Variants in KIAA1217 observed in about 807,000 individuals in gnomAD.
KIAA1217 encodes KIAA1217.
A neutral mutation model predicts 163.9 loss-of-function variants in KIAA1217; 88 were observed. That is an observed-to-expected ratio of 0.54 (90% CI 0.45 to 0.64). KIAA1217 has a LOEUF of 0.64. Among genes scored for constraint, KIAA1217 ranks in the 30% least tolerant of loss-of-function variants. The probability of loss-of-function intolerance (pLI) is 0.00; values close to 1 mark genes in which losing one functional copy is unlikely to be tolerated. For synonymous variants in KIAA1217, 903 were observed against 923.1 expected (o/e 0.98, Z 0.39); for missense variants, 2,372 against 2,475.0 (o/e 0.96, Z 0.88).
In KIAA1217 at chr10:24,407,308, G is replaced by A. The variant is rs76692039; in HGVS notation, c.554-25687G>A. ...TGTGCGTGCGTGTGCGTGCGCGTGC[G>A]CATGTGATGAAGTCTCACTCTGTTG... On this transcript the variant is annotated intron_variant, in intron 3 of 20. Coordinates refer to ENST00000376454, the MANE Select transcript of KIAA1217 (RefSeq NM_019590.5). 2.8e-3 allele frequency among the ~76,000 whole-genome samples: 426 copies of A among 152,046 alleles called. 3 individuals carry two copies. The highest frequency in any genetic ancestry group is 9.5e-3 in the African/African-American group (393 of 41,474).
chr10:23,831,983 C>T (rs1481974707), intron 1 of KIAA1217, among the ~76,000 whole-genome samples: 1 of 152,138 alleles, frequency 6.6e-6, no homozygotes, highest in Non-Finnish European at 1.5e-5. Flanking sequence ...CAGATGTGTG[C>T]AGATTTTTCC....
chr10:24,077,174 G>C (rs768571034), intron 2 of KIAA1217, among the ~76,000 whole-genome samples: 3 of 152,096 alleles, frequency 2.0e-5, no homozygotes, highest in Admixed American at 6.6e-5. Context: ...ACTGTGCCTG[G>C]CCTATTTCCA....
intron 1 of KIAA1217, among the ~76,000 whole-genome samples, chr10:23,728,966 C>T (rs1341296781): frequency 2.0e-5 from 3 of 152,238 alleles, no homozygotes; most frequent in Non-Finnish European, 4.4e-5. Flanking sequence ...ACCCCTTCCC[C>T]CACTCCCAAC....
intron 2 of KIAA1217, among the ~76,000 whole-genome samples, chr10:24,295,607 A>G (rs537601679): frequency 6.6e-6 from 1 of 152,090 alleles, no homozygotes; most frequent in Admixed American, 6.6e-5. Flanking sequence ...AGTTGTTCTC[A>G]GGCCAATTTC....
At chr10:23,987,058 T>G (rs1319841304) in intron 1 of KIAA1217, among the ~76,000 whole-genome samples, 1 of 152,104 alleles carries the variant, frequency 6.6e-6, no homozygotes, top group African/African-American at 2.4e-5. Flanking sequence ...TCATCTGTTA[T>G]GCCAGATGTT....
intron 2 of KIAA1217, among the ~76,000 whole-genome samples, chr10:24,270,456 G>T (rs969764894): frequency 1.3e-5 from 2 of 152,188 alleles, no homozygotes; most frequent in Non-Finnish European, 2.9e-5. Flanking sequence ...TCACATGAAT[G>T]CATCCATCTT....
At chr10:24,191,843 T>A (rs866000016) in intron 2 of KIAA1217, among the ~76,000 whole-genome samples, 28 of 152,180 alleles carry the variant, frequency 1.8e-4, no homozygotes, top group African/African-American at 6.8e-4. Context: ...AACCTCCACC[T>A]CCCAGGTTCA....
chr10:24,518,534 G>A (rs951007196), intron 10 of KIAA1217, among the ~76,000 whole-genome samples: 19 of 152,158 alleles, frequency 1.2e-4, no homozygotes, highest in African/African-American at 4.1e-4. Context: ...TATTAATTAC[G>A]CACTGACAGA....
intron 2 of KIAA1217, among the ~76,000 whole-genome samples, chr10:24,017,212 C>G (rs1011432529): frequency 6.6e-6 from 1 of 151,828 alleles, no homozygotes; most frequent in Non-Finnish European, 1.5e-5. Flanking sequence ...GTCACCACAC[C>G]TGGCTAACTT....
chr10:24,088,517 T>A (rs571737429), intron 2 of KIAA1217, among the ~76,000 whole-genome samples: 1 of 108,632 alleles, frequency 9.2e-6, no homozygotes, highest in East Asian at 2.2e-4. Flanking sequence ...CATTGTTCAA[T>A]TCCCACCTAT....
chr10:23,762,496 A>G (rs988362942), intron 1 of KIAA1217, among the ~76,000 whole-genome samples: 1 of 152,338 alleles, frequency 6.6e-6, no homozygotes, highest in South Asian at 2.1e-4. Flanking sequence ...CATCACACAA[A>G]CAGAACCAAA....
intron 1 of KIAA1217, among the ~76,000 whole-genome samples, chr10:23,765,273 C>T (rs1031134926): frequency 3.5e-5 from 5 of 143,038 alleles, no homozygotes; most frequent in Admixed American, 3.0e-4. Context: ...CCGCTCACTG[C>T]AAGCTCCCGG....
chr10:24,074,899 A>G (rs1193334434), intron 2 of KIAA1217, among the ~76,000 whole-genome samples: 1 of 151,912 alleles, frequency 6.6e-6, no homozygotes, highest in Non-Finnish European at 1.5e-5. Context: ...GGGTTTTGCC[A>G]TGTTGTCCAG....
rs773452841 is a variant in KIAA1217, at chr10:24,473,777, C to A, written c.1396C>A (p.Leu466Met). The A allele has an allele frequency of 9.9e-6, 16 of 1,614,042 alleles. No homozygotes were observed. The East Asian group carries it at 1.6e-4, about 16-fold the overall frequency. ...ATATCCGGATAGCCATTTGCCTACACTGGGCTCCAAAACACCCCCTGCCTC... is the reference window on the plus strand; with the variant it reads ...ATATCCGGATAGCCATTTGCCTACAATGGGCTCCAAAACACCCCCTGCCTC... The part of the protein sequence containing the change: ...RKYPDSHLPT[L>M]GSKTPPASPH... Residue 466 changes from leucine (L) to methionine (M), a missense_variant, in exon 6 of 21, where the codon CTG (leucine) becomes ATG (methionine). By Grantham distance (15) the Leu-to-Met change is conservative. Coordinates refer to ENST00000376454, the MANE Select transcript of KIAA1217 (RefSeq NM_019590.5).
intron 1 of KIAA1217, among the ~76,000 whole-genome samples, chr10:23,818,060 CAT>C (rs753088348): frequency 0.025 from 2,075 of 83,878 alleles, 38 homozygotes; most frequent in Non-Finnish European, 0.033. Context: ...CATATATATA[CAT>C]ATATATATAC....
intron 2 of KIAA1217, among the ~76,000 whole-genome samples, chr10:24,278,952 G>A (rs999181264): frequency 6.6e-6 from 1 of 151,482 alleles, no homozygotes; most frequent in Non-Finnish European, 1.5e-5. Flanking sequence ...TGCCTCCCAG[G>A]CTCAAGCGAT....
At chr10:24,399,346 C>G (rs2056240230) in intron 3 of KIAA1217, among the ~76,000 whole-genome samples, 1 of 152,168 alleles carries the variant, frequency 6.6e-6, no homozygotes, top group Non-Finnish European at 1.5e-5. Flanking sequence ...TCACTTTTAA[C>G]TTATTCTTTT....
At chr10:24,140,696 A>T (rs939037440) in intron 2 of KIAA1217, among the ~76,000 whole-genome samples, 2 of 152,174 alleles carry the variant, frequency 1.3e-5, no homozygotes, top group African/African-American at 4.8e-5. Flanking sequence ...AATATTTTTG[A>T]ACTGAGGTTA....
chr10:24,090,947 A>T (rs2061916984), intron 2 of KIAA1217, among the ~76,000 whole-genome samples: 1 of 151,884 alleles, frequency 6.6e-6, no homozygotes. Flanking sequence ...CCATCGGCAA[A>T]ACTCTTCCCT....
Sources: gnomAD v4.1 joint callset for allele counts (sites outside exome capture counted in the v4.1 genomes callset) on GRCh38, gnomAD v4.1.1 for gene constraint, MANE v1.5 for transcripts, NCBI Gene and HGNC (gene_info 2026-07-23, HGNC 2026-07-21) for gene names.